The following SLC17A1 variants were observed in gnomAD, a reference collection of about 807,000 sequenced individuals.
SLC17A1 encodes the protein solute carrier family 17 member 1, also known as sodium-dependent phosphate transport protein 1.
In SLC17A1, 51 loss-of-function variants were observed where a neutral mutation model predicts 53.5. The observed-to-expected ratio is 0.95, with a 90% CI of 0.76 to 1.20. The LOEUF is 1.20. Ranked by LOEUF, SLC17A1 falls within the 50% of genes most tolerant of loss-of-function variation. SLC17A1 has a pLI of 0.00. For synonymous variants in SLC17A1, 179 were observed against 198.8 expected, an observed-to-expected ratio of 0.90 and a Z score of 0.84; for missense variants, 538 against 568.2, an observed-to-expected ratio of 0.95 and a Z score of 0.54.
the SLC17A1 span, among the ~76,000 whole-genome samples, chr6:25,776,386 A>G: frequency 2.0e-5 from 3 of 151,938 alleles, no homozygotes; most frequent in Admixed American, 2.0e-4. Flanking sequence ...TTATATATAA[A>G]GAGAGCCTTG....
In SLC17A1 at chr6:25,832,016, TTTC is replaced by T. The variant is rs1764967103; in HGVS notation, c.-76_-74del. The T allele has an allele frequency of 1.3e-5, 2 of 152,170 alleles. No homozygotes were observed. Among genetic ancestry groups the T allele is most frequent in the Admixed American group, 1.3e-4 (2 of 15,270 alleles). 9.4% of individuals were successfully genotyped at this position (152,170 alleles called of 1,614,324 possible). A position where few individuals can be genotyped will look rare whatever the true frequency, so the allele number is the denominator to read the frequency against. ...AACCTGATTCGGGACAAAAAAGTGA[TTTC>T]TTCTTCCGCTGTGAAGACTTTTCTC... On this transcript the variant is annotated 5_prime_UTR_variant, in exon 1 of 13. Transcript: ENST00000244527.
chr6:25,741,585 G>A, the SLC17A1 span, among the ~76,000 whole-genome samples: 1 of 151,962 alleles, frequency 6.6e-6, no homozygotes, highest in Non-Finnish European at 1.5e-5. Flanking sequence ...CGTGGTCATG[G>A]GCCGCCTATA....
the SLC17A1 span, among the ~76,000 whole-genome samples, chr6:25,725,905 C>T: frequency 6.6e-6 from 1 of 152,136 alleles, no homozygotes; most frequent in Non-Finnish European, 1.5e-5. Context: ...ACATATATAA[C>T]CAAAATTACC....
At chr6:25,775,938 T>G in the SLC17A1 span, among the ~76,000 whole-genome samples, 267 of 152,308 alleles carry the variant, frequency 1.8e-3, 1 homozygote, top group African/African-American at 5.9e-3. Context: ...TTGGATTGTT[T>G]CCCATCTTTG....
At chr6:25,814,226 TATTG>T (rs1439933173) in intron 6 of SLC17A1, among the ~76,000 whole-genome samples, 1 of 152,224 alleles carries the variant, frequency 6.6e-6, no homozygotes, top group Non-Finnish European at 1.5e-5. Flanking sequence ...ATTTGACAAA[TATTG>T]ATTAAGTGCT....
the SLC17A1 span, chr6:25,777,564 AAACAACAACAAC>A: frequency 5.1e-3 from 824 of 161,612 alleles, 3 homozygotes; most frequent in East Asian, 7.4e-3. Flanking sequence ...GCAGAAGCCA[AAACAACAACAAC>A]AACAACAACA....
chr6:25,805,128 T>C (rs1176284559), intron 10 of SLC17A1, among the ~76,000 whole-genome samples: 1 of 152,120 alleles, frequency 6.6e-6, no homozygotes, highest in Non-Finnish European at 1.5e-5. Flanking sequence ...CACCGTATGA[T>C]AGGCCACAAA....
the SLC17A1 span, among the ~76,000 whole-genome samples, chr6:25,737,632 C>T: frequency 9.2e-5 from 14 of 152,036 alleles, no homozygotes; most frequent in East Asian, 7.7e-4. Context: ...CTATTACAAC[C>T]AGTAATATAT....
At chr6:25,773,722 T>C in the SLC17A1 span, 6 of 1,578,948 alleles carry the variant, frequency 3.8e-6, no homozygotes, top group Middle Eastern at 3.4e-4. Context: ...AATGCTTAAA[T>C]AATGAGAGCT....
downstream of SLC17A1, among the ~76,000 whole-genome samples, chr6:25,778,427 G>T (rs980263007): frequency 6.6e-6 from 1 of 152,018 alleles, no homozygotes; most frequent in African/African-American, 2.4e-5. Flanking sequence ...TTTTCTTGAA[G>T]CTTCAGTTCC....
At chr6:25,801,547 C>T (rs1480577079) in intron 10 of SLC17A1, among the ~76,000 whole-genome samples, 2 of 152,172 alleles carry the variant, frequency 1.3e-5, no homozygotes, top group Non-Finnish European at 1.5e-5. Flanking sequence ...CCATGAAGAG[C>T]AAGGTGGTGC....
chr6:25,746,478 G>T, the SLC17A1 span, among the ~76,000 whole-genome samples: 1 of 152,108 alleles, frequency 6.6e-6, no homozygotes, highest in African/African-American at 2.4e-5. Flanking sequence ...TAATAAACTG[G>T]GGGTAATGGG....
chr6:25,777,000 C>T, the SLC17A1 span: 7 of 1,565,632 alleles, frequency 4.5e-6, no homozygotes, highest in Admixed American at 1.3e-4. Context: ...ACACTCAATT[C>T]AAGTCTAGCA....
the SLC17A1 span, among the ~76,000 whole-genome samples, chr6:25,770,655 C>A: frequency 1.3e-5 from 2 of 152,202 alleles, no homozygotes; most frequent in Non-Finnish European, 2.9e-5. Flanking sequence ...ATGTGCCAAA[C>A]ATTCTTGTGT....
chr6:25,732,695 C>T, the SLC17A1 span: 1 of 1,352,036 alleles, frequency 7.4e-7, no homozygotes, highest in South Asian at 1.1e-5. Context: ...GCTGGCCATC[C>T]GCAACGACAA....
intron 12 of SLC17A1, among the ~76,000 whole-genome samples, chr6:25,784,375 T>C (rs1271572899): frequency 6.6e-6 from 1 of 152,200 alleles, no homozygotes; most frequent in Non-Finnish European, 1.5e-5. Context: ...ACAAGAAGCA[T>C]GATGCCAGCA....
At chr6:25,788,980 T>TAGGTAGGTAGATAGAAATAGAAAGAA (rs1442601928) in intron 12 of SLC17A1, among the ~76,000 whole-genome samples, 5 of 152,126 alleles carry the variant, frequency 3.3e-5, no homozygotes, top group African/African-American at 1.2e-4. Context: ...GATAGGTAGG[T>TAGGTAGGTAGATAGAAATAGAAAGAA]AGGTAGGTAG....
rs147754436 is a variant in SLC17A1, at chr6:25,818,857, A to T, written c.616+211T>A. ...TATATCGCCTACATTATAGAATTAT[A>T]AAAGTTATGTACAAAAATACATGTA... On this transcript the variant is annotated intron_variant, in intron 6 of 12. Coordinates refer to ENST00000244527, the MANE Select transcript of SLC17A1 (RefSeq NM_005074.5). 8.1e-3 allele frequency among the ~76,000 whole-genome samples: 1,230 copies of T among 152,334 alleles called. 12 individuals carry two copies. Among genetic ancestry groups the T allele is most frequent in the African/African-American group, 0.022 (912 of 41,572 alleles).
chr6:25,791,571 C>G (rs150713806), intron 12 of SLC17A1, among the ~76,000 whole-genome samples: 218 of 152,112 alleles, frequency 1.4e-3, no homozygotes, highest in African/African-American at 4.7e-3. Flanking sequence ...GAAAATGAAC[C>G]CAAATCTTCA....
Sources: gnomAD v4.1 joint callset for allele counts (sites outside exome capture counted in the v4.1 genomes callset) on GRCh38, gnomAD v4.1.1 for gene constraint, MANE v1.5 for transcripts, NCBI Gene and HGNC (gene_info 2026-07-23, HGNC 2026-07-21) for gene names.